The following SLC49A4 variants were observed in gnomAD, a reference collection of about 807,000 sequenced individuals.
SLC49A4 encodes solute carrier family 49 member 4.
A neutral mutation model predicts 50.6 loss-of-function variants in SLC49A4; 36 were observed. The observed-to-expected ratio is 0.71, with a 90% CI of 0.55 to 0.94. SLC49A4 has a LOEUF of 0.94. Ranked by LOEUF, SLC49A4 falls within the 40% of genes least tolerant of loss-of-function variation. The probability of loss-of-function intolerance (pLI) is 0.00; values close to 1 mark genes in which losing one functional copy is unlikely to be tolerated. For synonymous variants in SLC49A4, 248 were observed against 241.2 expected, an observed-to-expected ratio of 1.03 and a Z score of -0.26; for missense variants, 503 against 605.7, an observed-to-expected ratio of 0.83 and a Z score of 1.78.
intron 3 of SLC49A4, among the ~76,000 whole-genome samples, 181 bp from the exon 4 acceptor site, chr3:122,833,136 G>C (rs1332465062): frequency 2.6e-5 from 4 of 152,122 alleles, no homozygotes; most frequent in Admixed American, 1.3e-4. Flanking sequence ...AGCTACTTGG[G>C]AGGCTGAGGC....
At chr3:122,796,729 T>G (rs1161750573) in intron 1 of SLC49A4, among the ~76,000 whole-genome samples, 2 of 152,078 alleles carry the variant, frequency 1.3e-5, no homozygotes, top group Non-Finnish European at 2.9e-5. Flanking sequence ...GATTTCAAAA[T>G]GTGAATTTGA....
intron 6 of SLC49A4, among the ~76,000 whole-genome samples, chr3:122,857,675 G>A (rs1937006004): frequency 1.3e-5 from 2 of 152,046 alleles, no homozygotes; most frequent in African/African-American, 4.8e-5. Context: ...GAAGCAGAAG[G>A]GGAATATAGT....
At chr3:122,855,246 C>T (rs186356095) in intron 5 of SLC49A4, among the ~76,000 whole-genome samples, 1 of 152,268 alleles carries the variant, frequency 6.6e-6, no homozygotes, top group East Asian at 1.9e-4. Flanking sequence ...AGCAGGGACA[C>T]GGAATGCTTA....
At chr3:122,861,292 C>T (rs972310167) in intron 7 of SLC49A4, among the ~76,000 whole-genome samples, 9 of 152,148 alleles carry the variant, frequency 5.9e-5, no homozygotes, top group African/African-American at 1.9e-4. Context: ...ATTACTCTGC[C>T]TACCATGGGA....
At chr3:122,865,955 A>T (rs914998022) in intron 7 of SLC49A4, among the ~76,000 whole-genome samples, 1 of 152,190 alleles carries the variant, frequency 6.6e-6, no homozygotes, top group Admixed American at 6.5e-5. Context: ...GTGTTATTTT[A>T]TAATGCTACT....
intron 2 of SLC49A4, among the ~76,000 whole-genome samples, chr3:122,808,153 A>G (rs1936249880): frequency 6.6e-6 from 1 of 152,238 alleles, no homozygotes; most frequent in African/African-American, 2.4e-5. Flanking sequence ...AAAAATTACT[A>G]TGTAATGTAG....
intron 1 of SLC49A4, among the ~76,000 whole-genome samples, chr3:122,806,279 T>C (rs1936216235): frequency 6.6e-6 from 1 of 152,224 alleles, no homozygotes; most frequent in Admixed American, 6.5e-5. Context: ...AACGGAACAT[T>C]TTAGACATTC....
At chr3:122,864,159 C>T (rs1039633055) in intron 7 of SLC49A4, among the ~76,000 whole-genome samples, 2 of 152,208 alleles carry the variant, frequency 1.3e-5, no homozygotes, top group African/African-American at 2.4e-5. Flanking sequence ...CAGTCTATCC[C>T]AGAGCATACT....
intron 8 of SLC49A4, among the ~76,000 whole-genome samples, chr3:122,872,987 AGGGT>A (rs1937215979): frequency 6.6e-6 from 1 of 152,120 alleles, no homozygotes; most frequent in Non-Finnish European, 1.5e-5. Context: ...CTCTTAACAC[AGGGT>A]GTAAATTAAT....
intron 4 of SLC49A4, among the ~76,000 whole-genome samples, chr3:122,834,477 A>AT (rs1936650036): frequency 6.6e-6 from 1 of 152,222 alleles, no homozygotes; most frequent in Non-Finnish European, 1.5e-5. Context: ...TGGGTTAACA[A>AT]TGAAATCAAG....
intron 7 of SLC49A4, among the ~76,000 whole-genome samples, chr3:122,870,663 T>A (rs1178226242): frequency 6.6e-6 from 1 of 150,514 alleles, no homozygotes; most frequent in African/African-American, 2.4e-5. Context: ...ACAAAAAAAA[T>A]TTAGCTTGGC....
chr3:122,858,626 A>G (rs575617563), intron 6 of SLC49A4, among the ~76,000 whole-genome samples: 1 of 152,366 alleles, frequency 6.6e-6, no homozygotes, highest in South Asian at 2.1e-4. Flanking sequence ...ATGTCAAATA[A>G]GTACAAAACA....
chr3:122,833,421 C>T lies in SLC49A4; in HGVS notation c.808C>T (p.Arg270Trp), dbSNP rs759881776. 18 of 1,612,872 alleles carry T rather than the reference C, an allele frequency of 1.1e-5. No individual in the cohort carries two copies. Among genetic ancestry groups the T allele is most frequent in the East Asian group, 8.9e-5 (4 of 44,844 alleles). Residue 270 changes from arginine to tryptophan, a missense_variant, in exon 4 of 9, where the codon CGG (arginine) becomes TGG (tryptophan). Transcript: ENST00000261038. ...TGCAGCTAGCCAGCGGCTGAGTTAT[C>T]GGAGAAGCGTTTGTAGATTATTAAG... The part of the protein sequence containing the change: ...VAAASQRLSY[R>W]RSVCRLLSNF...
chr3:122,810,382 G>A (rs975569586), intron 2 of SLC49A4, among the ~76,000 whole-genome samples: 1 of 151,958 alleles, frequency 6.6e-6, no homozygotes, highest in Middle Eastern at 3.4e-3. Context: ...CTATGATCTC[G>A]AACAAAATAA....
chr3:122,846,892 C>G (rs1218770276), intron 5 of SLC49A4, among the ~76,000 whole-genome samples: 1 of 152,194 alleles, frequency 6.6e-6, no homozygotes, highest in Admixed American at 6.5e-5. Flanking sequence ...CAGAAGAGGG[C>G]TCCCCAGAGG....
At chr3:122,845,494 CTCTTT>C (rs1936834647) in intron 4 of SLC49A4, among the ~76,000 whole-genome samples, 1 of 151,838 alleles carries the variant, frequency 6.6e-6, no homozygotes, top group Admixed American at 6.6e-5. Flanking sequence ...AATGGTAATT[CTCTTT>C]TAAGTTCTTT....
chr3:122,825,124 A>C (rs1430401149), intron 2 of SLC49A4, among the ~76,000 whole-genome samples: 1 of 152,198 alleles, frequency 6.6e-6, no homozygotes, highest in Non-Finnish European at 1.5e-5. Flanking sequence ...TTTTAGACAT[A>C]GTAAAGTTTA....
chr3:122,807,894 C>G (rs931180708), intron 2 of SLC49A4, among the ~76,000 whole-genome samples: 2 of 152,180 alleles, frequency 1.3e-5, no homozygotes, highest in Non-Finnish European at 2.9e-5. Flanking sequence ...CCCTTAGGCT[C>G]TTAATCAGAG....
intron 1 of SLC49A4, among the ~76,000 whole-genome samples, chr3:122,798,886 A>G (rs1560189043): frequency 6.6e-6 from 1 of 151,842 alleles, no homozygotes; most frequent in Non-Finnish European, 1.5e-5. Context: ...CAAGGCACCA[A>G]AATATCTTGC....
Sources: gnomAD v4.1 joint callset for allele counts (sites outside exome capture counted in the v4.1 genomes callset) on GRCh38, gnomAD v4.1.1 for gene constraint, MANE v1.5 for transcripts, NCBI Gene and HGNC (gene_info 2026-07-23, HGNC 2026-07-21) for gene names.